CUZD1: variants seen among roughly 807,000 people sequenced by gnomAD.
CUZD1 encodes the protein CUB and zona pellucida-like domain-containing protein 1.
In CUZD1, 42 loss-of-function variants were observed where a neutral mutation model predicts 53.1. That is an observed-to-expected ratio of 0.79 (90% CI 0.62 to 1.02). The LOEUF (loss-of-function observed/expected upper bound fraction) is 1.02. Among genes scored for constraint, CUZD1 ranks in the 50% least tolerant of loss-of-function variants. The probability of loss-of-function intolerance (pLI) is 0.00; values close to 1 mark genes in which losing one functional copy is unlikely to be tolerated. For synonymous variants in CUZD1, 238 were observed against 257.2 expected (o/e 0.93, Z 0.71); for missense variants, 670 against 715.7 (o/e 0.94, Z 0.73).
Position 122,836,898 on chromosome 10 carries a change from A to G in CUZD1, c.750T>C (p.Asp250=), listed in dbSNP as rs763778389. ...AAAATCCCCGGTAAGAATTGGCATAATCTGTAGACAACACGACAGTCAGAG... is the reference window on the plus strand; with the variant it reads ...AAAATCCCCGGTAAGAATTGGCATAGTCTGTAGACAACACGACAGTCAGAG... ...SNSLTVVLST[D]YANSYRGFSA... The change falls in exon 5 of 9, where the codon GAT becomes GAC. Residue 250 remains aspartate, a synonymous_variant. Coordinates refer to ENST00000392790, the MANE Select transcript of CUZD1 (RefSeq NM_022034.6). The G allele has an allele frequency of 6.2e-7, 1 of 1,614,150 alleles. No individual in the cohort carries two copies. The highest frequency in any genetic ancestry group is 8.5e-7 in the Non-Finnish European group (1 of 1,180,006).
rs921031925 is a variant in CUZD1 at position 122,835,110 on chromosome 10, A to G, written c.991-13T>C. 1 of 1,516,148 alleles carries G rather than the reference A, an allele frequency of 6.6e-7. No homozygotes were observed. The highest frequency in any genetic ancestry group is 8.8e-7 in the Non-Finnish European group (1 of 1,132,486). 93.9% of individuals were successfully genotyped at this position (1,516,148 alleles called of 1,614,324 possible). On this transcript the variant is annotated splice_polypyrimidine_tract_variant and intron_variant, in intron 6 of 8. Coordinates refer to ENST00000392790, the MANE Select transcript of CUZD1 (RefSeq NM_022034.6). ...ACTGATCTTCTACCTGCAGAACGAG[A>G]TAGAATTCAATTTTTATATTTTAAG...
chr10:122,844,240 C>T (rs766443653), intron 1 of CUZD1, among the ~76,000 whole-genome samples: 3 of 151,736 alleles, frequency 2.0e-5, no homozygotes, highest in Non-Finnish European at 2.9e-5. Flanking sequence ...CTCACTACGT[C>T]GTTCAGGGTG....
intron 2 of CUZD1, among the ~76,000 whole-genome samples, chr10:122,840,761 G>A (rs1389694299): frequency 6.6e-6 from 1 of 152,120 alleles, no homozygotes; most frequent in Non-Finnish European, 1.5e-5. Context: ...TAATCATATG[G>A]TGTACAGCCT....
chr10:122,838,557 G>A lies in CUZD1; in HGVS notation c.448+460C>T, dbSNP rs552796749. On this transcript the variant is annotated intron_variant, in intron 3 of 8. Coordinates refer to ENST00000392790, the MANE Select transcript of CUZD1 (RefSeq NM_022034.6). ...TTTGTCAGAATCATCCGGGGGACTT[G>A]TTAAACAGGAAGGTTCAACAACCCG... Among the ~76,000 whole-genome samples, 23 of 152,316 alleles carry A rather than the reference G, an allele frequency of 1.5e-4. 1 individual carries two copies. The highest frequency in any genetic ancestry group is 5.5e-4 in the African/African-American group (23 of 41,562).
chr10:122,835,470 A>T (rs1043352549), intron 6 of CUZD1, among the ~76,000 whole-genome samples: 3 of 152,214 alleles, frequency 2.0e-5, no homozygotes, highest in Non-Finnish European at 4.4e-5. Context: ...AAATATATGT[A>T]GACCAAGGGT....
In CUZD1 at chr10:122,841,276, G is replaced by C. The variant is rs754538690; in HGVS notation, c.135C>G (p.His45Gln). ...GATTGAGTTGCAGGATCATGGCTTT[G>C]TGGGTCTCTGCCATATTGGCACCCC... ...SLGGANMAET[H>Q]KAMILQLNPS... Residue 45 changes from histidine to glutamine, a missense_variant, in exon 2 of 9, where the codon CAC becomes CAG. Transcript: ENST00000392790. 4 of 1,613,892 alleles carry C rather than the reference G, an allele frequency of 2.5e-6. No individual in the cohort carries two copies. The highest frequency in any genetic ancestry group is 3.3e-5 in the Admixed American group (2 of 60,000).
rs1847339341 is a variant in CUZD1, at chr10:122,841,180, G to C, written c.231C>G (p.Val77=). Residue 77 remains valine, a splice_region_variant and synonymous_variant, in exon 2 of 9, where the codon GTC becomes GTG. Transcript: ENST00000392790. ...AGGAAACTAAAGCTTCTACTTACTG[G>C]ACATAGGAAAAGATAATTCTGATGC... The part of the protein sequence containing the change: ...NKSIRIIFSY[V]QLDPDGSCES... The C allele has an allele frequency of 1.2e-6, 2 of 1,612,258 alleles. No homozygotes were observed. The highest frequency in any genetic ancestry group is 1.3e-5 in the African/African-American group (1 of 74,976).
intron 1 of CUZD1, among the ~76,000 whole-genome samples, chr10:122,842,353 C>G (rs1847358058): frequency 6.6e-6 from 1 of 152,118 alleles, no homozygotes; most frequent in African/African-American, 2.4e-5. Flanking sequence ...CCAATTGTTC[C>G]AAGACCATTT....
chr10:122,844,353 G>A (rs1305853450), intron 1 of CUZD1, among the ~76,000 whole-genome samples: 2 of 152,020 alleles, frequency 1.3e-5, no homozygotes, highest in Non-Finnish European at 1.5e-5. Flanking sequence ...GTTTCTTTTG[G>A]GGGTGAAGAA....
Position 122,834,892 on chromosome 10 carries a change from A to G in CUZD1, c.1196T>C (p.Leu399Pro). ...ALGKYNTSMA[L>P]FESNSFEKTI... is the part of the protein sequence containing the mutation. The stretch of plus-strand genomic sequence containing the variant: ...CTTTTCAAATGAATTGGATTCAAAA[A>G]GAGCCATGCTGGTGTTATATTTGCC... Residue 399 changes from leucine (L) to proline (P), a missense_variant, in exon 7 of 9, where the codon CTT becomes CCT. Coordinates refer to ENST00000392790, the MANE Select transcript of CUZD1 (RefSeq NM_022034.6). 1 of 1,613,764 alleles carries G rather than the reference A, an allele frequency of 6.2e-7. No homozygotes were observed. Among genetic ancestry groups the G allele is most frequent in the South Asian group, 1.1e-5 (1 of 91,020 alleles).
Position 122,845,806 on chromosome 10 carries a change from A to C in CUZD1, c.38T>G (p.Leu13Ter), listed in dbSNP as rs1202839780. Residue 13 changes from leucine to a stop codon, truncating the protein, a stop_gained, in exon 1 of 9, where the codon TTA (leucine) becomes TGA (stop). Coordinates refer to ENST00000392790, the MANE Select transcript of CUZD1 (RefSeq NM_022034.6). LOFTEE classifies it high-confidence loss of function. ...CAGCTCCGCCAAACAGGAGAGAATTAAGAGGGTCAATGGCATGAGCCTTCT... is the reference window on the plus strand; with the variant it reads ...CAGCTCCGCCAAACAGGAGAGAATTCAGAGGGTCAATGGCATGAGCCTTCT... ...LVRRLMPLTLLILSCLAELTM... is the reference protein window; with the variant it reads ...LVRRLMPLTL 5 of 1,613,998 alleles carry C rather than the reference A, an allele frequency of 3.1e-6. No homozygotes were observed. In the Admixed American group the frequency reaches 5.0e-5, roughly 16 times the overall value.
At chr10:122,836,756 G>A (rs1394783005) in intron 5 of CUZD1, 75 bp downstream of exon 5, 16 of 1,185,692 alleles carry the variant, frequency 1.3e-5, no homozygotes, top group African/African-American at 3.0e-5. Flanking sequence ...CCACAGGTAG[G>A]CTAAAAATTA....
Position 122,839,183 on chromosome 10 carries a change from G to A in CUZD1, c.282C>T (p.Asp94=), listed in dbSNP as rs141440856. 1.4e-4 allele frequency: 225 copies of A among 1,614,044 alleles called. 1 individual carries two copies. Among genetic ancestry groups the A allele is most frequent in the Non-Finnish European group, 1.6e-4 (193 of 1,179,930 alleles). The change falls in exon 3 of 9, where the codon GAC becomes GAT. Residue 94 remains aspartate (D), a synonymous_variant. Transcript: ENST00000392790. Reference sequence around the variant, plus strand: ...GCAGAGGCCCATTGCTGGAGGTTCCGTCAAAGACTTTAATGTTTTCACTTT... The same window carrying A: ...GCAGAGGCCCATTGCTGGAGGTTCCATCAAAGACTTTAATGTTTTCACTTT... The part of the protein sequence containing the change: ...SCESENIKVF[D]GTSSNGPLLG...
chr10:122,837,553 AGCTGAAATG>A lies in CUZD1; in HGVS notation c.449-8_449del, dbSNP rs1847273505. 2 of 1,560,672 alleles carry A rather than the reference AGCTGAAATG, an allele frequency of 1.3e-6. No homozygotes were observed. Among genetic ancestry groups the A allele is most frequent in the Non-Finnish European group, 1.7e-6 (2 of 1,158,826 alleles). On this transcript the variant is annotated splice_acceptor_variant and splice_polypyrimidine_tract_variant and coding_sequence_variant and intron_variant, in exon 4 of 9. Transcript: ENST00000392790. LOFTEE classifies it high-confidence loss of function. Reference sequence around the variant, plus strand: ...CCAGGTAACCGCCACAGTTTGGAATAGCTGAAATGGATGTGAAGGTGGTCAAGAATGAAC... The same window carrying A: ...CCAGGTAACCGCCACAGTTTGGAATAGATGTGAAGGTGGTCAAGAATGAAC...
intron 5 of CUZD1, 96 bp downstream of exon 5, chr10:122,836,735 A>G (rs1847257557): frequency 3.3e-6 from 3 of 916,672 alleles, no homozygotes; most frequent in Non-Finnish European, 5.2e-6. Context: ...CATGCTTGCA[A>G]ATAGGAATAG....
intron 4 of CUZD1, among the ~76,000 whole-genome samples, 159 bp downstream of exon 4, chr10:122,837,245 A>G (rs1847268434): frequency 6.6e-6 from 1 of 152,140 alleles, no homozygotes; most frequent in South Asian, 2.1e-4. Flanking sequence ...TAGTCAACTT[A>G]GTTCAATGGA....
At chr10:122,845,152 C>A (rs1589664941) in intron 1 of CUZD1, among the ~76,000 whole-genome samples, 1 of 149,100 alleles carries the variant, frequency 6.7e-6, no homozygotes, top group African/African-American at 2.5e-5. Flanking sequence ...TCGCAGCTAA[C>A]TGCAACCTCC....
At chr10:122,842,743 A>G (rs1258405484) in intron 1 of CUZD1, among the ~76,000 whole-genome samples, 1 of 152,240 alleles carries the variant, frequency 6.6e-6, no homozygotes, top group Non-Finnish European at 1.5e-5. Context: ...TAGAATGTAT[A>G]AAGAATTCTT....
chr10:122,845,668 CAACAGA>C (rs1847426167), intron 1 of CUZD1, 88 bp downstream of exon 1: 1 of 959,978 alleles, frequency 1.0e-6, no homozygotes, highest in African/African-American at 1.6e-5. Context: ...GAACTGGGGC[CAACAGA>C]TATAAACACT....
Sources: allele counts gnomAD v4.1 joint callset (sites outside exome capture counted in the v4.1 genomes callset), GRCh38; gene constraint gnomAD v4.1.1; transcripts MANE v1.5; gene names NCBI Gene and HGNC (gene_info 2026-07-23, HGNC 2026-07-21).